Variants in ZNF536 observed in about 807,000 individuals in gnomAD.
ZNF536 encodes the protein zinc finger protein 536.
In ZNF536, 13 loss-of-function variants were observed where a neutral mutation model predicts 84.5. The ratio of observed to expected loss-of-function variants is 0.15; its 90% confidence interval spans 0.10 to 0.24. The LOEUF (loss-of-function observed/expected upper bound fraction) is 0.24, where lower values mean the gene tolerates loss of function less well. Ranked by LOEUF, ZNF536 falls within the 10% of genes least tolerant of loss-of-function variation. The pLI is 1.00. For synonymous variants in ZNF536, 811 were observed against 742.5 expected, an observed-to-expected ratio of 1.09 and a Z score of -1.50; for missense variants, 1,536 against 1,747.5, an observed-to-expected ratio of 0.88 and a Z score of 2.16.
intron 3 of ZNF536, among the ~76,000 whole-genome samples, chr19:30,537,269 C>T (rs1312358373): frequency 6.6e-6 from 1 of 152,174 alleles, no homozygotes; most frequent in Non-Finnish European, 1.5e-5. Context: ...ATGCCAATGT[C>T]CATTTTCCTC....
rs202048360 is a variant in ZNF536 at position 30,610,653 on chromosome 19, C to T, written c.169+61139C>T. ...CAAACTCAGTTTCTAGGCTTACATT[C>T]CTAGAACATACCTTCTCCACTGGCC... On this transcript the variant is annotated intron_variant, in intron 1 of 1. Coordinates refer to the ZNF536 transcript ENST00000592773. Among the ~76,000 whole-genome samples the T allele has an allele frequency of 2.0e-5, 3 of 152,196 alleles. No individual in the cohort carries two copies. The East Asian group carries it at 5.8e-4, about 29-fold the overall frequency.
chr19:30,661,250 G>A (rs1028127285), intron 1 of ZNF536, among the ~76,000 whole-genome samples: 1 of 152,204 alleles, frequency 6.6e-6, no homozygotes, highest in Non-Finnish European at 1.5e-5. Flanking sequence ...GGGTGTGTAA[G>A]AGACTACATT....
At chr19:30,698,080 T>C in intron 1 of ZNF536, among the ~76,000 whole-genome samples, 1 of 152,132 alleles carries the variant, frequency 6.6e-6, no homozygotes, top group East Asian at 1.9e-4. Flanking sequence ...TCACCTGAGG[T>C]CAACTGTTCA....
At chr19:30,402,791 TAA>T (rs1265624736) in intron 1 of ZNF536, among the ~76,000 whole-genome samples, 5,042 of 24,260 alleles carry the variant, frequency 0.21, 356 homozygotes, top group South Asian at 0.29. Context: ...TTTTTAAAAT[TAA>T]AAAATATATA....
intron 1 of ZNF536, among the ~76,000 whole-genome samples, chr19:30,614,935 C>CGAAA (rs1338429612): frequency 1.2e-5 from 1 of 83,478 alleles, no homozygotes; most frequent in Non-Finnish European, 2.5e-5. Context: ...TATTCTCCCC[C>CGAAA]TTTTCAATTT....
intron 1 of ZNF536, among the ~76,000 whole-genome samples, chr19:30,588,311 T>A (rs2047164566): frequency 6.6e-6 from 1 of 152,194 alleles, no homozygotes. Flanking sequence ...TCTCTTTAGA[T>A]ACATATGTGG....
intron 2 of ZNF536, among the ~76,000 whole-genome samples, chr19:30,462,906 G>T (rs946552834): frequency 6.8e-6 from 1 of 146,866 alleles, no homozygotes; most frequent in Non-Finnish European, 1.5e-5. Context: ...TGTTGGCATG[G>T]GATGGGTGTG....
At position 30,244,298 on chromosome 19, in the gene ZNF536, A is replaced by AC. The variant is rs921241889; in HGVS notation, c.-190+15632dup. Among the ~76,000 whole-genome samples, 16 of 149,960 alleles carry AC rather than the reference A, an allele frequency of 1.1e-4. No individual in the cohort carries two copies. In the East Asian group the frequency reaches 1.4e-3, roughly 13 times the overall value. ...TTCATAGAGTCTTTAAGAACGATCC[A>AC]CCCCCCCACCCCTCAGGTGCTGTGC... On this transcript the variant is annotated intron_variant, in intron 1 of 5. Coordinates refer to the ZNF536 transcript ENST00000585628.
intron 1 of ZNF536, among the ~76,000 whole-genome samples, chr19:30,643,940 G>T (rs2147365738): frequency 6.6e-6 from 1 of 152,354 alleles, no homozygotes; most frequent in South Asian, 2.1e-4. Context: ...GGGGGGAAGT[G>T]ATAGAATGAA....
intron 2 of ZNF536, among the ~76,000 whole-genome samples, chr19:30,343,381 G>T (rs748250738): frequency 1.1e-4 from 16 of 152,144 alleles, no homozygotes; most frequent in Non-Finnish European, 4.4e-5. Context: ...TTCCTGGGGT[G>T]GGGGAGCATC....
At chr19:30,494,567 G>A (rs912860266) in intron 2 of ZNF536, among the ~76,000 whole-genome samples, 2 of 152,120 alleles carry the variant, frequency 1.3e-5, no homozygotes, top group East Asian at 1.9e-4. Flanking sequence ...CTCTATGGGT[G>A]CCCCATCCTG....
intron 2 of ZNF536, among the ~76,000 whole-genome samples, chr19:30,316,098 G>C (rs554262791): frequency 6.6e-6 from 1 of 152,168 alleles, no homozygotes; most frequent in Non-Finnish European, 1.5e-5. Flanking sequence ...CTGTATCACG[G>C]TAAACAAGTT....
At chr19:30,427,593 G>A (rs192499467) in intron 1 of ZNF536, among the ~76,000 whole-genome samples, 16 of 152,218 alleles carry the variant, frequency 1.1e-4, no homozygotes, top group Admixed American at 9.8e-4. Flanking sequence ...AGGATGGCTG[G>A]ATGGGTTTTA....
chr19:30,241,736 A>G (rs1438827155), intron 1 of ZNF536, among the ~76,000 whole-genome samples: 2 of 152,208 alleles, frequency 1.3e-5, no homozygotes, highest in East Asian at 1.9e-4. Context: ...GCTATGTGCC[A>G]GGCACCTGGA....
chr19:30,344,843 T>C (rs1007561514), intron 2 of ZNF536, among the ~76,000 whole-genome samples: 15 of 152,202 alleles, frequency 9.9e-5, no homozygotes, highest in African/African-American at 3.4e-4. Context: ...AGTGACTTAG[T>C]GACCAGACCC....
At chr19:30,277,824 T>A (rs1568297887) in intron 1 of ZNF536, among the ~76,000 whole-genome samples, 2 of 152,230 alleles carry the variant, frequency 1.3e-5, no homozygotes, top group African/African-American at 4.8e-5. Flanking sequence ...ACATTGTGGC[T>A]GTCGAATAAC....
At chr19:30,635,052 G>A (rs1254932656) in intron 1 of ZNF536, among the ~76,000 whole-genome samples, 1 of 145,638 alleles carries the variant, frequency 6.9e-6, no homozygotes, top group African/African-American at 2.6e-5. Context: ...AACAGGCTGG[G>A]AGAGAAGAAA....
intron 2 of ZNF536, among the ~76,000 whole-genome samples, chr19:30,493,101 T>TTA (rs2054574123): frequency 3.4e-5 from 5 of 146,634 alleles, no homozygotes; most frequent in African/African-American, 1.0e-4. Context: ...TTTTTTTTTT[T>TTA]TTTTTTTTTT....
intron 2 of ZNF536, among the ~76,000 whole-genome samples, chr19:30,532,081 G>A (rs1475443220): frequency 6.6e-6 from 1 of 151,892 alleles, no homozygotes; most frequent in Non-Finnish European, 1.5e-5. Flanking sequence ...TTATGGGAAG[G>A]TCCAGAGCAT....
Sources: gnomAD v4.1 joint callset for allele counts (sites outside exome capture counted in the v4.1 genomes callset) on GRCh38, gnomAD v4.1.1 for gene constraint, MANE v1.5 for transcripts, NCBI Gene and HGNC (gene_info 2026-07-23, HGNC 2026-07-21) for gene names.